Variants in ZDHHC15 observed in about 807,000 individuals in gnomAD.
The protein encoded by ZDHHC15 is palmitoyltransferase ZDHHC15.
ZDHHC15 carries 19 observed loss-of-function variants against 31.7 expected under a neutral mutation model. The ratio of observed to expected loss-of-function variants is 0.60; its 90% CI spans 0.42 to 0.88. The LOEUF (loss-of-function observed/expected upper bound fraction) is 0.88, where lower values mean the gene tolerates loss of function less well. Among genes scored for constraint, ZDHHC15 ranks in the 40% least tolerant of loss-of-function variants. The pLI is 0.00. For missense variants in ZDHHC15, 209 were observed against 251.2 expected (o/e 0.83, Z 1.14); for synonymous variants, 103 against 90.0 (o/e 1.14, Z -0.82).
intron 2 of ZDHHC15, among the ~76,000 whole-genome samples, chrX:75,491,932 C>T (rs12689148): frequency 9.0e-6 from 1 of 110,902 alleles, no homozygotes; most frequent in African/African-American, 3.3e-5. Context: ...ATAAAATTCA[C>T]ACATAACAAT....
intron 1 of ZDHHC15, among the ~76,000 whole-genome samples, chrX:75,514,200 A>G (rs914772293): frequency 8.9e-6 from 1 of 112,875 alleles, no homozygotes; most frequent in African/African-American, 3.2e-5. Context: ...TAAACTATAC[A>G]GGTAGCTACA....
chrX:75,437,749 G>A (rs1331623078), intron 4 of ZDHHC15, among the ~76,000 whole-genome samples: 2 of 109,216 alleles, frequency 1.8e-5, no homozygotes, highest in Admixed American at 9.8e-5. Flanking sequence ...ATAAACATAC[G>A]TGTGCATGTG....
At chrX:75,460,022 T>C (rs2084286841) in intron 3 of ZDHHC15, among the ~76,000 whole-genome samples, 1 of 112,153 alleles carries the variant, frequency 8.9e-6, no homozygotes, top group Admixed American at 9.4e-5. Context: ...ATTACAGGCA[T>C]GGGCCACGAT....
At chrX:75,436,606 T>C (rs1281916328) in intron 4 of ZDHHC15, among the ~76,000 whole-genome samples, 2 of 112,423 alleles carry the variant, frequency 1.8e-5, no homozygotes, top group East Asian at 5.6e-4. Context: ...CAATCATTCA[T>C]GAGTAGTTTA....
intron 3 of ZDHHC15, among the ~76,000 whole-genome samples, chrX:75,452,336 C>T (rs954521168): frequency 9.0e-6 from 1 of 110,955 alleles, no homozygotes; most frequent in South Asian, 3.8e-4. Context: ...ACAAGAAGAG[C>T]TAACTAATCT....
rs772940553 is a variant in ZDHHC15, at chrX:75,455,870, T to A, written c.259-4948A>T. Among the ~76,000 whole-genome samples, 4 of 111,906 alleles carry A rather than the reference T, an allele frequency of 3.6e-5. No individual in the cohort carries two copies. In the South Asian group the frequency reaches 1.5e-3, roughly 42 times the overall value. On this transcript the variant is annotated intron_variant, in intron 3 of 11. Transcript: ENST00000373367. Reference sequence around the variant, plus strand: ...TAGAAACAACAGTTGCTGGAGAGGATGTGGAGAAATATGAATGCTTTTACA... The same window carrying A: ...TAGAAACAACAGTTGCTGGAGAGGAAGTGGAGAAATATGAATGCTTTTACA...
intron 3 of ZDHHC15, among the ~76,000 whole-genome samples, chrX:75,478,081 T>A (rs1244242522): frequency 1.8e-5 from 2 of 111,703 alleles, no homozygotes; most frequent in Non-Finnish European, 3.8e-5. Context: ...CCTACCCTAA[T>A]TTAGAGTAGT....
chrX:75,376,136 T>C (rs1162808866), intron 11 of ZDHHC15, among the ~76,000 whole-genome samples: 1 of 111,201 alleles, frequency 9.0e-6, no homozygotes, highest in African/African-American at 3.3e-5. Context: ...GCGGTTTGGA[T>C]TTGCATTTCT....
chrX:75,368,861 CTG>C lies in ZDHHC15; in HGVS notation c.*4115_*4116del, dbSNP rs776210500. 4 of 111,922 alleles carry C rather than the reference CTG, an allele frequency of 3.6e-5. No homozygotes were observed. Among genetic ancestry groups the C allele is most frequent in the Admixed American group, 1.9e-4 (2 of 10,536 alleles). 9.2% of individuals were successfully genotyped at this position (111,922 alleles called of 1,213,427 possible). ...AGAACACATTTAATGGTTTTGAACA[CTG>C]TGCAGGACACAGACCTAACCCTTTT... On this transcript the variant is annotated 3_prime_UTR_variant, in exon 12 of 12. Transcript: ENST00000373367.
intron 2 of ZDHHC15, among the ~76,000 whole-genome samples, chrX:75,480,215 T>C (rs186179334): frequency 1.2e-3 from 130 of 111,491 alleles, no homozygotes; most frequent in African/African-American, 3.8e-3. Context: ...ACCATTTATA[T>C]GTGCTTGATT....
At chrX:75,444,296 G>T (rs1195580623) in intron 4 of ZDHHC15, among the ~76,000 whole-genome samples, 12 of 108,949 alleles carry the variant, frequency 1.1e-4, no homozygotes, top group East Asian at 2.9e-4. Flanking sequence ...CCATAAAAAA[G>T]GATGAGTTCA....
chrX:75,457,345 C>G (rs1280383964), intron 3 of ZDHHC15, among the ~76,000 whole-genome samples: 1 of 110,034 alleles, frequency 9.1e-6, no homozygotes, highest in South Asian at 3.8e-4. Context: ...GGTTGTTTGT[C>G]TTTCTTTGGT....
chrX:75,456,826 T>C (rs2084231405), intron 3 of ZDHHC15, among the ~76,000 whole-genome samples: 1 of 111,324 alleles, frequency 9.0e-6, no homozygotes, highest in African/African-American at 3.3e-5. Context: ...AACGGGTGTC[T>C]CCCCTGTCAA....
chrX:75,427,515 G>GT (rs2083728727), intron 7 of ZDHHC15, among the ~76,000 whole-genome samples: 1 of 111,387 alleles, frequency 9.0e-6, no homozygotes, highest in African/African-American at 3.3e-5. Flanking sequence ...TGTTACAAGG[G>GT]TAAAAAGTGG....
chrX:75,391,284 AAGAT>A (rs1211843043), intron 10 of ZDHHC15, among the ~76,000 whole-genome samples: 3 of 112,014 alleles, frequency 2.7e-5, no homozygotes, highest in Non-Finnish European at 3.8e-5. Flanking sequence ...GGTAGAGAGA[AAGAT>A]AGGGGTAGAA....
intron 10 of ZDHHC15, among the ~76,000 whole-genome samples, chrX:75,379,454 A>G (rs1434082374): frequency 1.8e-5 from 2 of 112,210 alleles, no homozygotes; most frequent in Non-Finnish European, 3.8e-5. Flanking sequence ...TTTGACTTAA[A>G]TAGCTATGAT....
At chrX:75,477,725 A>G (rs1367939136) in intron 3 of ZDHHC15, among the ~76,000 whole-genome samples, 4 of 111,783 alleles carry the variant, frequency 3.6e-5, no homozygotes, top group African/African-American at 1.3e-4. Context: ...TTCTAGCTTT[A>G]CATTTTCAAC....
chrX:75,492,457 C>T (rs1463522026), intron 2 of ZDHHC15, among the ~76,000 whole-genome samples: 2 of 111,463 alleles, frequency 1.8e-5, no homozygotes, highest in Non-Finnish European at 3.8e-5. Flanking sequence ...GAACTCTCCA[C>T]CCCAAGTCAA....
chrX:75,416,477 T>C lies in ZDHHC15; in HGVS notation c.967+610A>G, dbSNP rs766120834. 4.8e-4 allele frequency among the ~76,000 whole-genome samples: 54 copies of C among 112,072 alleles called. 1 individual carries two copies. The highest frequency in any genetic ancestry group is 4.6e-3 in the Middle Eastern group (1 of 217). ...CACAGCAACAGGTGGAGACAAGGAA[T>C]AGGGCTGGCAATGGGGATACATTAT... On this transcript the variant is annotated intron_variant, in intron 10 of 11. Transcript: ENST00000373367.
Sources: allele counts gnomAD v4.1 joint callset (sites outside exome capture counted in the v4.1 genomes callset), GRCh38; gene constraint gnomAD v4.1.1; transcripts MANE v1.5; gene names NCBI Gene and HGNC (gene_info 2026-07-23, HGNC 2026-07-21).